The following PRDM10 variants were observed in gnomAD, a reference collection of about 807,000 sequenced individuals.
PRDM10 encodes PR domain zinc finger protein 10.
In PRDM10, 65 loss-of-function variants were observed where a neutral mutation model predicts 133.1. The ratio of observed to expected loss-of-function variants is 0.49; its 90% CI spans 0.40 to 0.60. The LOEUF is 0.60. PRDM10 is among the 20% of genes least tolerant of loss of function. PRDM10 has a pLI of 0.00. For synonymous variants in PRDM10, 582 were observed against 580.4 expected (o/e 1.00, Z -0.04); for missense variants, 1,137 against 1,507.1 (o/e 0.75, Z 4.07).
intron 14 of PRDM10, among the ~76,000 whole-genome samples, chr11:129,917,694 T>C (rs1160389578): frequency 3.9e-5 from 6 of 152,370 alleles, no homozygotes; most frequent in African/African-American, 1.4e-4. Flanking sequence ...AAATATATTC[T>C]GCACCCGTAA....
chr11:129,967,873 T>A (rs1335740109), intron 1 of PRDM10, among the ~76,000 whole-genome samples: 1 of 152,052 alleles, frequency 6.6e-6, no homozygotes, highest in Non-Finnish European at 1.5e-5. Flanking sequence ...CCTGCCCTCC[T>A]AGGAGTCCTG....
chr11:129,955,215 C>A (rs1174584416), intron 4 of PRDM10, among the ~76,000 whole-genome samples: 1 of 152,142 alleles, frequency 6.6e-6, no homozygotes, highest in East Asian at 1.9e-4. Flanking sequence ...AAAAAAGAGA[C>A]ACTTTTAAAC....
At chr11:129,959,089 C>A (rs991968670) in intron 2 of PRDM10, among the ~76,000 whole-genome samples, 8 of 152,122 alleles carry the variant, frequency 5.3e-5, no homozygotes, top group Non-Finnish European at 1.0e-4. Flanking sequence ...CTTATACTGC[C>A]TTGGCTTTGG....
chr11:129,962,605 C>T (rs752710317), intron 1 of PRDM10, among the ~76,000 whole-genome samples: 15 of 152,212 alleles, frequency 9.9e-5, no homozygotes, highest in Non-Finnish European at 1.6e-4. Flanking sequence ...TGGGAATATC[C>T]TGTATCTTGC....
chr11:129,997,685 T>C (rs1372539918), intron 1 of PRDM10, among the ~76,000 whole-genome samples: 1 of 152,182 alleles, frequency 6.6e-6, no homozygotes, highest in Non-Finnish European at 1.5e-5. Flanking sequence ...ACAGACCAAG[T>C]TTGGGAAAAT....
chr11:129,904,108 G>A (rs1045916418), intron 20 of PRDM10, among the ~76,000 whole-genome samples: 1 of 135,174 alleles, frequency 7.4e-6, no homozygotes, highest in Non-Finnish European at 1.5e-5. Flanking sequence ...CCTAAGTCTA[G>A]TTAATGTGAC....
chr11:129,929,469 G>A, intron 11 of PRDM10: 1 of 1,520,334 alleles, frequency 6.6e-7, no homozygotes, highest in Non-Finnish European at 8.9e-7. Context: ...ATTACCAATT[G>A]GATTGGAAGA....
chr11:129,910,965 G>T (rs566919032), intron 18 of PRDM10, among the ~76,000 whole-genome samples: 2 of 152,266 alleles, frequency 1.3e-5, no homozygotes, highest in East Asian at 3.9e-4. Flanking sequence ...TAGTAGAGAA[G>T]GGGTTTCTCC....
chr11:129,908,158 T>C (rs1263475510), intron 19 of PRDM10, among the ~76,000 whole-genome samples: 1 of 152,152 alleles, frequency 6.6e-6, no homozygotes, highest in East Asian at 1.9e-4. Context: ...TAATGTTGCA[T>C]GGAGTTGTGT....
At chr11:129,919,243 C>T (rs1490816164) in intron 13 of PRDM10, among the ~76,000 whole-genome samples, 2 of 151,906 alleles carry the variant, frequency 1.3e-5, no homozygotes, top group African/African-American at 2.4e-5. Context: ...TGGTGGCACA[C>T]GTAATCCCAG....
At position 129,961,717 on chromosome 11, in the gene PRDM10, A is replaced by T. The variant is rs571761772; in HGVS notation, c.-118-635T>A. Among the ~76,000 whole-genome samples, 507 of 152,170 alleles carry T rather than the reference A, an allele frequency of 3.3e-3. 1 individual carries two copies. Among genetic ancestry groups the T allele is most frequent in the Non-Finnish European group, 5.4e-3 (366 of 67,996 alleles). ...TCTCTATTTAAGAAAAAGAAATTTTAAAAAAATAATAATATAATGTATTGC... is the reference window on the plus strand; with the variant it reads ...TCTCTATTTAAGAAAAAGAAATTTTTAAAAAATAATAATATAATGTATTGC... On this transcript the variant is annotated intron_variant, in intron 1 of 20. Coordinates refer to ENST00000360871, the MANE Select transcript of PRDM10 (RefSeq NM_199437.2).
chr11:129,919,119 C>G lies in PRDM10; in HGVS notation c.2035-401G>C, dbSNP rs545873784. ...GGTGTGGTGGCTCATGCCTGTAATC[C>G]TAGCACTTTGGGAGGCCGACAAGGG... On this transcript the variant is annotated intron_variant, in intron 13 of 20. Transcript: ENST00000360871. Among the ~76,000 whole-genome samples the G allele has an allele frequency of 5.3e-5, 8 of 152,284 alleles. No individual in the cohort carries two copies. The South Asian group carries it at 1.7e-3, about 32-fold the overall frequency.
chr11:129,982,869 G>T (rs1938190439), intron 1 of PRDM10, among the ~76,000 whole-genome samples: 1 of 152,134 alleles, frequency 6.6e-6, no homozygotes, highest in South Asian at 2.1e-4. Flanking sequence ...GCTAGGGTGG[G>T]AGGATCACTT....
intron 1 of PRDM10, among the ~76,000 whole-genome samples, chr11:129,963,978 T>C (rs1951854408): frequency 1.3e-5 from 2 of 152,200 alleles, no homozygotes; most frequent in African/African-American, 4.8e-5. Flanking sequence ...GCCATGACCT[T>C]GACATTTGTG....
intron 1 of PRDM10, among the ~76,000 whole-genome samples, chr11:130,000,264 G>C (rs1939278245): frequency 6.6e-6 from 1 of 151,996 alleles, no homozygotes; most frequent in African/African-American, 2.4e-5. Flanking sequence ...GGCTAGTCTC[G>C]AACTCCTGAC....
At chr11:129,931,761 G>T (rs896133043) in intron 10 of PRDM10, among the ~76,000 whole-genome samples, 1 of 151,696 alleles carries the variant, frequency 6.6e-6, no homozygotes, top group Non-Finnish European at 1.5e-5. Flanking sequence ...GTAGAGACGG[G>T]GTTTCACCGT....
In PRDM10 at chr11:129,902,526, G is replaced by A. The variant is rs1949873731; in HGVS notation, c.3268-10C>T. 5 of 1,611,732 alleles carry A rather than the reference G, an allele frequency of 3.1e-6. No homozygotes were observed. Among genetic ancestry groups the A allele is most frequent in the Admixed American group, 1.7e-5 (1 of 59,542 alleles). Reference sequence around the variant, plus strand: ...ATAACACATAATGACCCTAGAGGAAGAAGAAAAGGATCCTTAAAAACTTGG... The same window carrying A: ...ATAACACATAATGACCCTAGAGGAAAAAGAAAAGGATCCTTAAAAACTTGG... On this transcript the variant is annotated splice_polypyrimidine_tract_variant and intron_variant, in intron 20 of 20. Coordinates refer to ENST00000360871, the MANE Select transcript of PRDM10 (RefSeq NM_199437.2).
chr11:129,921,518 C>T (rs1291103759), intron 13 of PRDM10, among the ~76,000 whole-genome samples: 3 of 152,126 alleles, frequency 2.0e-5, no homozygotes, highest in Non-Finnish European at 4.4e-5. Context: ...ACAAGAACTT[C>T]GGGATTTATC....
At chr11:129,910,409 GA>G in intron 19 of PRDM10, 66 bp downstream of exon 19, 1 of 1,596,442 alleles carries the variant, frequency 6.3e-7, no homozygotes, top group South Asian at 1.1e-5. Flanking sequence ...ACAAGCTGAA[GA>G]AATTATGACA....
Sources: allele counts gnomAD v4.1 joint callset (sites outside exome capture counted in the v4.1 genomes callset), GRCh38; gene constraint gnomAD v4.1.1; transcripts MANE v1.5; gene names NCBI Gene and HGNC (gene_info 2026-07-23, HGNC 2026-07-21).